Variants in DENND1B observed in about 807,000 individuals in gnomAD.
DENND1B encodes DENN domain containing 1B.
A neutral mutation model predicts 90.1 loss-of-function variants in DENND1B; 59 were observed. That is an observed-to-expected ratio of 0.65 (90% confidence interval 0.53 to 0.81). The LOEUF is 0.81. DENND1B is among the 40% of genes least tolerant of loss of function. DENND1B has a pLI of 0.00. For synonymous variants in DENND1B, 337 were observed against 324.6 expected, an observed-to-expected ratio of 1.04 and a Z score of -0.41; for missense variants, 862 against 912.6, an observed-to-expected ratio of 0.94 and a Z score of 0.71.
intron 6 of DENND1B, among the ~76,000 whole-genome samples, chr1:197,653,305 G>A (rs1653441813): frequency 6.6e-6 from 1 of 151,998 alleles, no homozygotes; most frequent in South Asian, 2.1e-4. Flanking sequence ...AGGCTCATAT[G>A]GTTGTTTTAG....
intron 6 of DENND1B, among the ~76,000 whole-genome samples, chr1:197,657,888 T>C (rs971685575): frequency 2.6e-5 from 4 of 152,074 alleles, no homozygotes; most frequent in African/African-American, 9.6e-5. Context: ...ATGAACAAAC[T>C]GGGGTGTATT....
chr1:197,569,977 C>T (rs1374995102), intron 15 of DENND1B, among the ~76,000 whole-genome samples: 1 of 152,066 alleles, frequency 6.6e-6, no homozygotes, highest in African/African-American at 2.4e-5. Flanking sequence ...TGATATGTTA[C>T]TTAGCTTGAT....
At chr1:197,610,898 T>C (rs922872193) in intron 12 of DENND1B, among the ~76,000 whole-genome samples, 3 of 150,674 alleles carry the variant, frequency 2.0e-5, no homozygotes, top group African/African-American at 7.3e-5. Flanking sequence ...TTGAAACAAA[T>C]AAAAAATGTT....
At chr1:197,713,793 T>TATTATATGATAATA (rs1376908590) in intron 3 of DENND1B, among the ~76,000 whole-genome samples, 1 of 20,226 alleles carries the variant, frequency 4.9e-5, no homozygotes, top group Non-Finnish European at 8.2e-5. Context: ...TATTATAATA[T>TATTATATGATAATA]TATTATATTA....
chr1:197,649,228 T>TG (rs893880798), intron 7 of DENND1B, among the ~76,000 whole-genome samples: 1 of 152,120 alleles, frequency 6.6e-6, no homozygotes, highest in Admixed American at 6.5e-5. Context: ...ATCTAAGAAA[T>TG]GGATGGTCCT....
chr1:197,706,025 C>T (rs1337128580), intron 3 of DENND1B, among the ~76,000 whole-genome samples: 3 of 151,976 alleles, frequency 2.0e-5, no homozygotes, highest in Non-Finnish European at 2.9e-5. Flanking sequence ...ACTTTCACAT[C>T]TAAAAAAGTA....
At position 197,723,604 on chromosome 1, in the gene DENND1B, G is replaced by GA. The variant is rs550747369; in HGVS notation, c.83-8531dup. Among the ~76,000 whole-genome samples the GA allele has an allele frequency of 2.8e-4, 42 of 152,026 alleles. 1 individual carries two copies. The Middle Eastern group carries it at 0.01, about 37-fold the overall frequency. ...ACAAACGTTTTTATAAGAACACAGG[G>GA]AAAAAAAGTTAATAGGTTGCTTGTA... On this transcript the variant is annotated intron_variant, in intron 2 of 22. Coordinates refer to ENST00000620048, the MANE Select transcript of DENND1B (RefSeq NM_001195215.2).
chr1:197,580,258 A>ATTTTTTTTTTTTTTTTTT lies in DENND1B; in HGVS notation c.1149+2876_1149+2893dup, dbSNP rs36028786. Among the ~76,000 whole-genome samples, 59 of 113,158 alleles carry ATTTTTTTTTTTTTTTTTT rather than the reference A, an allele frequency of 5.2e-4. 1 individual carries two copies. Among genetic ancestry groups the ATTTTTTTTTTTTTTTTTT allele is most frequent in the African/African-American group, 1.9e-3 (55 of 29,198 alleles). 74.2% of individuals were successfully genotyped at this position (113,158 alleles called of 152,430 possible). A position where few individuals can be genotyped will look rare whatever the true frequency, so the allele number is the denominator to read the frequency against. On this transcript the variant is annotated intron_variant, in intron 15 of 22. Transcript: ENST00000620048. Reference sequence around the variant, plus strand: ...ATGCACCTGCCACCACGCCCAGCTAATTTTTTTTTTTTTTTTTTTTTAGTA... The same window carrying ATTTTTTTTTTTTTTTTTT: ...ATGCACCTGCCACCACGCCCAGCTAATTTTTTTTTTTTTTTTTTTTTTTTTTTTTTTTTTTTTTTAGTA...
Position 197,713,829 on chromosome 1 carries a change from A to AT in DENND1B, c.126+1201dup, listed in dbSNP as rs1332291899. 1.7e-3 allele frequency among the ~76,000 whole-genome samples: 48 copies of AT among 27,564 alleles called. 1 individual carries two copies. Among genetic ancestry groups the AT allele is most frequent in the African/African-American group, 8.1e-3 (46 of 5,692 alleles). 18.1% of individuals were successfully genotyped at this position (27,564 alleles called of 152,430 possible). A position where few individuals can be genotyped will look rare whatever the true frequency, so the allele number is the denominator to read the frequency against. Reference sequence around the variant, plus strand: ...TAATATATTATATATAATATATTATATATAATATATTATATTATATTATTA... The same window carrying AT: ...TAATATATTATATATAATATATTATATTATAATATATTATATTATATTATTA... On this transcript the variant is annotated intron_variant, in intron 3 of 22. Transcript: ENST00000620048.
At chr1:197,570,111 G>A (rs1234174503) in intron 15 of DENND1B, among the ~76,000 whole-genome samples, 4 of 151,560 alleles carry the variant, frequency 2.6e-5, no homozygotes, top group Admixed American at 2.0e-4. Context: ...AAAAAATAAT[G>A]GCCAGGCACA....
chr1:197,618,875 T>C (rs1269098258), intron 10 of DENND1B, among the ~76,000 whole-genome samples: 1 of 151,118 alleles, frequency 6.6e-6, no homozygotes, highest in Non-Finnish European at 1.5e-5. Flanking sequence ...ACAATTAATT[T>C]AAAAAAATGA....
chr1:197,734,210 A>C, intron 2 of DENND1B: 1 of 881,762 alleles, frequency 1.1e-6, no homozygotes, highest in Non-Finnish European at 1.4e-6. Context: ...ACTGATTAAA[A>C]CTTAGAAATG....
chr1:197,774,907 G>A (rs1002445052), intron 1 of DENND1B, among the ~76,000 whole-genome samples: 19 of 152,246 alleles, frequency 1.2e-4, no homozygotes, highest in African/African-American at 4.1e-4. Flanking sequence ...TCTCCGGGAG[G>A]AGCCGCGCCA....
chr1:197,692,947 A>G (rs546586776), intron 3 of DENND1B, among the ~76,000 whole-genome samples: 114 of 151,720 alleles, frequency 7.5e-4, no homozygotes, highest in Admixed American at 5.9e-4. Context: ...AGATATTCCT[A>G]TTAGAATACC....
At chr1:197,639,012 T>A (rs1558339305) in intron 10 of DENND1B, among the ~76,000 whole-genome samples, 2 of 152,122 alleles carry the variant, frequency 1.3e-5, no homozygotes, top group Non-Finnish European at 2.9e-5. Flanking sequence ...ATTCTTGATA[T>A]CTGTGCTTAC....
chr1:197,737,082 C>A (rs972503976), intron 2 of DENND1B, among the ~76,000 whole-genome samples: 1 of 152,172 alleles, frequency 6.6e-6, no homozygotes, highest in Non-Finnish European at 1.5e-5. Flanking sequence ...AAGCCCTCAT[C>A]CATTCCTAAC....
intron 16 of DENND1B, among the ~76,000 whole-genome samples, chr1:197,550,804 A>C (rs1468041799): frequency 6.6e-6 from 1 of 151,432 alleles, no homozygotes; most frequent in Non-Finnish European, 1.5e-5. Context: ...CTAAAACTTT[A>C]ATTAAAAAAA....
Position 197,535,735 on chromosome 1 carries a change from T to G in DENND1B, c.1515+4229A>C, listed in dbSNP as rs1019626102. 7.9e-5 allele frequency among the ~76,000 whole-genome samples: 12 copies of G among 152,302 alleles called. No homozygotes were observed. The East Asian group carries it at 1.7e-3, about 22-fold the overall frequency. ...CCCCACTCACCTCTACTGCCCTTCC[T>G]GTGTCCTTGGTAACATGGTACTCTC... On this transcript the variant is annotated intron_variant, in intron 20 of 22. Coordinates refer to ENST00000620048, the MANE Select transcript of DENND1B (RefSeq NM_001195215.2).
chr1:197,726,684 C>A (rs1386570077), intron 2 of DENND1B, among the ~76,000 whole-genome samples: 3 of 152,158 alleles, frequency 2.0e-5, no homozygotes, highest in Admixed American at 2.0e-4. Context: ...TGAGATACCC[C>A]TGGAGGGCCA....
Sources: gnomAD v4.1 joint callset for allele counts (sites outside exome capture counted in the v4.1 genomes callset) on GRCh38, gnomAD v4.1.1 for gene constraint, MANE v1.5 for transcripts, NCBI Gene and HGNC (gene_info 2026-07-23, HGNC 2026-07-21) for gene names.